The following ATP1A4 variants were observed in gnomAD, a reference collection of about 807,000 sequenced individuals.
ATP1A4 encodes sodium/potassium-transporting ATPase subunit alpha-4.
A neutral mutation model predicts 114.3 loss-of-function variants in ATP1A4; 90 were observed. The observed-to-expected ratio is 0.79, with a 90% CI of 0.66 to 0.94. ATP1A4 has a LOEUF of 0.94. Ranked by LOEUF, ATP1A4 falls within the 40% of genes least tolerant of loss-of-function variation. The pLI, the probability that ATP1A4 is intolerant of heterozygous loss-of-function variation, is 0.00. For synonymous variants in ATP1A4, 511 were observed against 494.1 expected (o/e 1.03, Z -0.45); for missense variants, 1,222 against 1,313.6 (o/e 0.93, Z 1.08).
In ATP1A4 at chr1:160,171,777, A is replaced by G. The variant is rs2101643843; in HGVS notation, c.1854+20A>G. ...ATTAAGGTAAATACTTGCCCAGACCAGGAGCCCCTCACCTGTCACAAGTTG... is the reference window on the plus strand; with the variant it reads ...ATTAAGGTAAATACTTGCCCAGACCGGGAGCCCCTCACCTGTCACAAGTTG... On this transcript the variant is annotated intron_variant, in intron 12 of 21. Coordinates refer to ENST00000368081, the MANE Select transcript of ATP1A4 (RefSeq NM_144699.4). 2 of 1,609,930 alleles carry G rather than the reference A, an allele frequency of 1.2e-6. No homozygotes were observed. Among genetic ancestry groups the G allele is most frequent in the Non-Finnish European group, 1.7e-6 (2 of 1,177,588 alleles).
In ATP1A4 at chr1:160,166,629, A is replaced by G. The variant is rs548785469; in HGVS notation, c.1149A>G (p.Ser383=). 13 of 1,614,222 alleles carry G rather than the reference A, an allele frequency of 8.1e-6. No individual in the cohort carries two copies. The highest frequency in any genetic ancestry group is 1.1e-5 in the Non-Finnish European group (13 of 1,180,042). ...TGGGCTCCACGTCCACCATCTGCTC[A>G]GACAAGACGGGCACCCTCACCCAGA... is the stretch of plus-strand genomic sequence containing the variant. ...ETLGSTSTIC[S]DKTGTLTQNR... is the part of the protein sequence containing the mutation. The change falls in exon 8 of 22, where the codon TCA becomes TCG. Residue 383 remains serine (S), a synonymous_variant. Coordinates refer to ENST00000368081, the MANE Select transcript of ATP1A4 (RefSeq NM_144699.4).
Position 160,167,092 on chromosome 1 carries a change from G to C in ATP1A4, c.1356+15G>C. 6.2e-7 allele frequency: 1 copy of C among 1,612,180 alleles called. No homozygotes were observed. Among genetic ancestry groups the C allele is most frequent in the Non-Finnish European group, 8.5e-7 (1 of 1,178,308 alleles). On this transcript the variant is annotated intron_variant, in intron 9 of 21. Transcript: ENST00000368081. ...CCATTGCTAAGGTGTCAGGCCCAAG[G>C]GGAAGAGGGTACCTCAGTGTCCAGG...
At chr1:160,170,530 C>T (rs1050419394) in intron 10 of ATP1A4, 1 of 151,792 alleles carries the variant, frequency 6.6e-6, no homozygotes. Context: ...AATGGACTGA[C>T]CTGAGGTCAT....
At chr1:160,161,312 C>T (rs1055997363) in intron 6 of ATP1A4, among the ~76,000 whole-genome samples, 9 of 152,188 alleles carry the variant, frequency 5.9e-5, no homozygotes, top group African/African-American at 1.4e-4. Context: ...GTCTCATCAC[C>T]GTAGACCTTG....
chr1:160,155,453 A>G (rs112925555), intron 3 of ATP1A4, among the ~76,000 whole-genome samples: 1 of 152,094 alleles, frequency 6.6e-6, no homozygotes, highest in Non-Finnish European at 1.5e-5. Flanking sequence ...ATTACATTGT[A>G]ATGAATGTAA....
chr1:160,186,401 G>A (rs776605964), intron 21 of ATP1A4, 34 bp downstream of exon 21: 3 of 1,522,184 alleles, frequency 2.0e-6, no homozygotes, highest in South Asian at 1.1e-5. Context: ...CTGACTGAGT[G>A]GTCACCAGCC....
Position 160,186,350 on chromosome 1 carries a change from TC to T in ATP1A4, c.3046del (p.Arg1016ValfsTer19). 1 of 1,613,474 alleles carries T rather than the reference TC, an allele frequency of 6.2e-7. No homozygotes were observed. Among genetic ancestry groups the T allele is most frequent in the Non-Finnish European group, 8.5e-7 (1 of 1,179,716 alleles). On this transcript the variant is annotated frameshift_variant, in exon 21 of 22. Transcript: ENST00000368081. LOFTEE classifies it high-confidence loss of function. ...FVYDEIRKLL[I>X]RQHPDGWVER... Reference sequence around the variant, plus strand: ...TATGATGAAATCAGAAAACTCCTCATCCGTCAGCACCCGGATGGTGAGGCTC... The same window carrying T: ...TATGATGAAATCAGAAAACTCCTCATCGTCAGCACCCGGATGGTGAGGCTC...
chr1:160,160,103 A>G (rs895471519), intron 6 of ATP1A4, among the ~76,000 whole-genome samples: 2 of 152,226 alleles, frequency 1.3e-5, no homozygotes, highest in Admixed American at 1.3e-4. Flanking sequence ...CATTCTGTCA[A>G]TCTCTCCTTT....
intron 10 of ATP1A4, among the ~76,000 whole-genome samples, chr1:160,169,280 C>G (rs1260663897): frequency 6.6e-6 from 1 of 152,206 alleles, no homozygotes; most frequent in African/African-American, 2.4e-5. Context: ...AAAAATGAAA[C>G]GAAGAAGATG....
At position 160,164,176 on chromosome 1, in the gene ATP1A4, A is replaced by C; in HGVS notation, c.799A>C (p.Ile267Leu). The C allele has an allele frequency of 6.2e-7, 1 of 1,614,114 alleles. No homozygotes were observed. Among genetic ancestry groups the C allele is most frequent in the Middle Eastern group, 1.7e-4 (1 of 6,060 alleles). The change falls in exon 7 of 22, where the codon ATT (isoleucine) becomes CTT (leucine). Residue 267 changes from isoleucine to leucine, a missense_variant. Coordinates refer to ENST00000368081, the MANE Select transcript of ATP1A4 (RefSeq NM_144699.4). ...CVEGTARGIV[I>L]ATGDSTVMGR... is the part of the protein sequence containing the mutation. ...CACAGGAACCGCCCGGGGTATTGTGATTGCTACGGGAGACTCCACAGTGAT... is the reference window on the plus strand; with the variant it reads ...CACAGGAACCGCCCGGGGTATTGTGCTTGCTACGGGAGACTCCACAGTGAT...
At position 160,181,933 on chromosome 1, in the gene ATP1A4, CA is replaced by C; in HGVS notation, c.2874del (p.Val959SerfsTer2). The C allele has an allele frequency of 6.2e-7, 1 of 1,614,026 alleles. No homozygotes were observed. ...NSLFQQGMRN[K>X]VLIFGILEET... ...ACCCATGAATGTTTCTTCCCAGAAA[CA>C]AAGTCTTAATATTTGGGATCCTGGA... On this transcript the variant is annotated frameshift_variant, in exon 20 of 22. Coordinates refer to ENST00000368081, the MANE Select transcript of ATP1A4 (RefSeq NM_144699.4). LOFTEE classifies it high-confidence loss of function.
At chr1:160,158,686 C>G (rs962086319) in intron 4 of ATP1A4, among the ~76,000 whole-genome samples, 12 of 152,116 alleles carry the variant, frequency 7.9e-5, no homozygotes, top group Non-Finnish European at 8.8e-5. Context: ...GGCCTGAAAG[C>G]ACTTTTTAAA....
intron 12 of ATP1A4, 105 bp from the exon 13 acceptor site, chr1:160,173,476 C>A: frequency 1.3e-6 from 2 of 1,483,594 alleles, no homozygotes; most frequent in African/African-American, 2.8e-5. Context: ...GCGACTAAAA[C>A]CCTTGTTGAA....
intron 17 of ATP1A4, 49 bp downstream of exon 17, chr1:160,176,651 T>C (rs1462815067): frequency 1.3e-5 from 20 of 1,597,104 alleles, no homozygotes; most frequent in Non-Finnish European, 1.5e-5. Flanking sequence ...TGGTTTCCCC[T>C]GCCTGGCAAC....
At chr1:160,171,132 G>C in intron 10 of ATP1A4, 119 bp from the exon 11 acceptor site, 1 of 907,132 alleles carries the variant, frequency 1.1e-6, no homozygotes, top group South Asian at 1.8e-5. Flanking sequence ...GGAGGGGAGG[G>C]AACAAAAGAA....
At chr1:160,171,170 C>A in intron 10 of ATP1A4, 81 bp from the exon 11 acceptor site, 1 of 1,336,502 alleles carries the variant, frequency 7.5e-7, no homozygotes, top group Non-Finnish European at 1.0e-6. Context: ...ATTTTTTTAC[C>A]TTTGAAACCT....
In ATP1A4 at chr1:160,174,606, G is replaced by T. The variant is rs138546868; in HGVS notation, c.2170G>T (p.Gly724Trp). 1.2e-6 allele frequency: 2 copies of T among 1,614,098 alleles called. No homozygotes were observed. Among genetic ancestry groups the T allele is most frequent in the Admixed American group, 1.7e-5 (1 of 60,024 alleles). The stretch of plus-strand genomic sequence containing the variant: ...AGCCGTTGTGGCCGTGACAGGTGAC[G>T]GGGTGAACGACTCCCCTGCGCTGAA... Reference protein sequence around the residue: ...LGAVVAVTGDGVNDSPALKKA... With the variant: ...LGAVVAVTGDWVNDSPALKKA... The change falls in exon 15 of 22, where the codon GGG (glycine) becomes TGG (tryptophan). Residue 724 changes from glycine to tryptophan, a missense_variant. By Grantham distance (184) the Gly-to-Trp change is radical (BLOSUM62 -2). Coordinates refer to ENST00000368081, the MANE Select transcript of ATP1A4 (RefSeq NM_144699.4).
Position 160,171,908 on chromosome 1 carries a change from T to C in ATP1A4, c.1854+151T>C, listed in dbSNP as rs547782774. 655 of 796,242 alleles carry C rather than the reference T, an allele frequency of 8.2e-4. 13 individuals are homozygous for C. In the South Asian group the frequency reaches 0.013, roughly 16 times the overall value. 49.3% of individuals were successfully genotyped at this position (796,242 alleles called of 1,614,324 possible). On this transcript the variant is annotated intron_variant, in intron 12 of 21. Coordinates refer to ENST00000368081, the MANE Select transcript of ATP1A4 (RefSeq NM_144699.4). ...TTATGATTTTTAATTAATAGTAAGT[T>C]TCCTCTCCAGTTAGAATTCTACTTG...
intron 6 of ATP1A4, among the ~76,000 whole-genome samples, chr1:160,162,381 C>T (rs1241964408): frequency 1.3e-5 from 2 of 152,120 alleles, no homozygotes; most frequent in Non-Finnish European, 2.9e-5. Context: ...TCCAAGCTGC[C>T]CTTCTGACTG....
Sources: gnomAD v4.1 joint callset for allele counts (sites outside exome capture counted in the v4.1 genomes callset) on GRCh38, gnomAD v4.1.1 for gene constraint, MANE v1.5 for transcripts, NCBI Gene and HGNC (gene_info 2026-07-23, HGNC 2026-07-21) for gene names.